The following THSD4 variants were observed in gnomAD, a reference collection of about 807,000 sequenced individuals.
THSD4 encodes the protein thrombospondin type 1 domain containing 4.
Under a neutral mutation model 119.0 loss-of-function variants are expected in THSD4, and 69 were observed. The ratio of observed to expected loss-of-function variants is 0.58; its 90% CI spans 0.48 to 0.71. The LOEUF (loss-of-function observed/expected upper bound fraction) is 0.71, where lower values mean the gene tolerates loss of function less well. THSD4 is among the 30% of genes least tolerant of loss of function. THSD4 has a pLI of 0.00. For synonymous variants in THSD4, 524 were observed against 540.4 expected, an observed-to-expected ratio of 0.97 and a Z score of 0.42; for missense variants, 1,393 against 1,391.1, an observed-to-expected ratio of 1.00 and a Z score of -0.02.
At chr15:71,445,377 T>C (rs939985679) in intron 7 of THSD4, among the ~76,000 whole-genome samples, 1 of 152,036 alleles carries the variant, frequency 6.6e-6, no homozygotes, top group Admixed American at 6.6e-5. Flanking sequence ...GCACAGTGAG[T>C]CAGCGCATAA....
intron 7 of THSD4, among the ~76,000 whole-genome samples, chr15:71,450,274 A>T (rs1163881296): frequency 6.6e-6 from 1 of 152,188 alleles, no homozygotes; most frequent in Non-Finnish European, 1.5e-5. Flanking sequence ...CCTGGAAAAA[A>T]GTGGAGACTC....
In THSD4 at chr15:71,277,128, C is replaced by CTTTTTTTTTTTTTTTTTTT. The variant is rs779207517; in HGVS notation, c.1015+20427_1015+20428insTTTTTTTTTTTTTTTTTTT. 1.9e-3 allele frequency among the ~76,000 whole-genome samples: 236 copies of CTTTTTTTTTTTTTTTTTTT among 122,924 alleles called. 19 individuals are homozygous for CTTTTTTTTTTTTTTTTTTT. The highest frequency in any genetic ancestry group is 6.7e-3 in the African/African-American group (198 of 29,704). 80.6% of individuals were successfully genotyped at this position (122,924 alleles called of 152,430 possible). On this transcript the variant is annotated intron_variant, in intron 6 of 17. Coordinates refer to ENST00000261862, the MANE Select transcript of THSD4 (RefSeq NM_024817.3). ...TATTTGTATTTGAATTCTTCTTCTTCTTTTTTTTTTTTTTGAAACGGAGTT... is the reference window on the plus strand; with the variant it reads ...TATTTGTATTTGAATTCTTCTTCTTCTTTTTTTTTTTTTTTTTTTTTTTTTTTTTTTTTGAAACGGAGTT...
chr15:71,705,414 A>T (rs985512965), intron 8 of THSD4, among the ~76,000 whole-genome samples: 1 of 152,166 alleles, frequency 6.6e-6, no homozygotes, highest in Non-Finnish European at 1.5e-5. Context: ...ATTGTTAATG[A>T]AGTATTGCCT....
intron 7 of THSD4, among the ~76,000 whole-genome samples, chr15:71,624,371 A>G (rs1035837863): frequency 6.6e-6 from 1 of 152,250 alleles, no homozygotes; most frequent in Non-Finnish European, 1.5e-5. Flanking sequence ...TGAACATGTT[A>G]TATATTTGAA....
intron 1 of THSD4, among the ~76,000 whole-genome samples, chr15:71,119,494 C>T (rs1355723647): frequency 6.6e-6 from 1 of 152,206 alleles, no homozygotes; most frequent in Non-Finnish European, 1.5e-5. Context: ...CTGACTTTGA[C>T]TCTAAGGAGT....
Position 71,565,324 on chromosome 15 carries a change from C to T in THSD4, c.1153-95206C>T, listed in dbSNP as rs553618088. Among the ~76,000 whole-genome samples the T allele has an allele frequency of 7.2e-5, 11 of 152,214 alleles. No individual in the cohort carries two copies. In the South Asian group the frequency reaches 1.4e-3, roughly 20 times the overall value. Reference sequence around the variant, plus strand: ...ACACTTAGTAGGTAAAAATCATAAGCGATAATTATATATGCATCACAGATG... The same window carrying T: ...ACACTTAGTAGGTAAAAATCATAAGTGATAATTATATATGCATCACAGATG... On this transcript the variant is annotated intron_variant, in intron 7 of 17. Coordinates refer to ENST00000261862, the MANE Select transcript of THSD4 (RefSeq NM_024817.3).
At chr15:71,557,898 C>T (rs1049069045) in intron 7 of THSD4, among the ~76,000 whole-genome samples, 5 of 152,090 alleles carry the variant, frequency 3.3e-5, no homozygotes, top group African/African-American at 1.2e-4. Context: ...GTAAATTTTA[C>T]TAATCTTCAT....
intron 6 of THSD4, among the ~76,000 whole-genome samples, chr15:71,324,486 A>T (rs982571881): frequency 2.0e-5 from 3 of 152,008 alleles, no homozygotes; most frequent in African/African-American, 7.2e-5. Context: ...GAGTCTCCAT[A>T]GTTGATTATA....
intron 6 of THSD4, among the ~76,000 whole-genome samples, chr15:71,368,221 C>T (rs1264453210): frequency 1.3e-5 from 2 of 152,060 alleles, no homozygotes; most frequent in African/African-American, 2.4e-5. Context: ...AAATTTTCTC[C>T]CATTCTGTAG....
intron 13 of THSD4, among the ~76,000 whole-genome samples, chr15:71,747,567 G>A (rs2053363859): frequency 6.6e-6 from 1 of 152,230 alleles, no homozygotes; most frequent in African/African-American, 2.4e-5. Context: ...GTTTAGGAGA[G>A]GAGACGGGGA....
intron 7 of THSD4, chr15:71,547,527 C>G: frequency 6.5e-7 from 1 of 1,545,082 alleles, no homozygotes; most frequent in Non-Finnish European, 8.7e-7. Context: ...TTTTTTTCAG[C>G]ATTATATTTC....
At chr15:71,687,506 A>G (rs2051937034) in intron 8 of THSD4, among the ~76,000 whole-genome samples, 1 of 152,202 alleles carries the variant, frequency 6.6e-6, no homozygotes, top group African/African-American at 2.4e-5. Flanking sequence ...CGGTAATCCC[A>G]GCACTTTGGG....
chr15:71,686,102 C>A (rs1416582798), intron 8 of THSD4, among the ~76,000 whole-genome samples: 1 of 152,044 alleles, frequency 6.6e-6, no homozygotes, highest in East Asian at 1.9e-4. Flanking sequence ...ATAAAATTTA[C>A]CATTTTAACC....
chr15:71,282,554 T>C (rs2044665740), intron 6 of THSD4, among the ~76,000 whole-genome samples: 1 of 152,186 alleles, frequency 6.6e-6, no homozygotes, highest in South Asian at 2.1e-4. Context: ...CTAGCTAAGC[T>C]CTGCTCCTTG....
In THSD4 at chr15:71,590,439, T is replaced by C. The variant is rs1021740849; in HGVS notation, c.1153-70091T>C. Among the ~76,000 whole-genome samples the C allele has an allele frequency of 1.5e-5, 2 of 135,588 alleles. 1 individual carries two copies. Among genetic ancestry groups the C allele is most frequent in the Non-Finnish European group, 3.3e-5 (2 of 59,990 alleles). The allele number at this position is 135,588 out of a possible 152,430, so 89.0% of individuals were successfully genotyped here. Reference sequence around the variant, plus strand: ...CGGATGGAGCTGGAAGCCATTATCCTCAGCAAACTAACGCAGGAACAGAAA... The same window carrying C: ...CGGATGGAGCTGGAAGCCATTATCCCCAGCAAACTAACGCAGGAACAGAAA... On this transcript the variant is annotated intron_variant, in intron 7 of 17. Coordinates refer to ENST00000261862, the MANE Select transcript of THSD4 (RefSeq NM_024817.3).
At chr15:71,354,112 C>T (rs966664035) in intron 6 of THSD4, among the ~76,000 whole-genome samples, 1 of 152,164 alleles carries the variant, frequency 6.6e-6, no homozygotes, top group Non-Finnish European at 1.5e-5. Flanking sequence ...GCCTAGGCAA[C>T]AGTCAGACCT....
intron 7 of THSD4, among the ~76,000 whole-genome samples, chr15:71,457,919 G>A (rs138552243): frequency 9.4e-4 from 143 of 152,260 alleles, no homozygotes; most frequent in Non-Finnish European, 1.6e-3. Context: ...GATTTCCAGC[G>A]CCATGACAAT....
chr15:71,126,911 C>T (rs964539736), intron 1 of THSD4, among the ~76,000 whole-genome samples: 1 of 152,218 alleles, frequency 6.6e-6, no homozygotes, highest in Admixed American at 6.5e-5. Context: ...ATATTCCTCA[C>T]CTCAAATACT....
chr15:71,131,834 C>G (rs2040506764), intron 1 of THSD4, among the ~76,000 whole-genome samples: 1 of 152,170 alleles, frequency 6.6e-6, no homozygotes, highest in Non-Finnish European at 1.5e-5. Flanking sequence ...TATGCCTTCT[C>G]TTTCCCCTTG....
Sources: allele counts gnomAD v4.1 joint callset (sites outside exome capture counted in the v4.1 genomes callset), GRCh38; gene constraint gnomAD v4.1.1; transcripts MANE v1.5; gene names NCBI Gene and HGNC (gene_info 2026-07-23, HGNC 2026-07-21).